Variants in KLHL3 observed in about 807,000 individuals in gnomAD.
KLHL3 encodes kelch-like protein 3.
A neutral mutation model predicts 70.5 loss-of-function variants in KLHL3; 19 were observed. The ratio of observed to expected loss-of-function variants is 0.27; its 90% CI spans 0.19 to 0.40. The LOEUF (loss-of-function observed/expected upper bound fraction) is 0.40. Ranked by LOEUF, KLHL3 falls within the 10% of genes least tolerant of loss-of-function variation. KLHL3 has a pLI of 1.00. For synonymous variants in KLHL3, 258 were observed against 290.3 expected (o/e 0.89, Z 1.13); for missense variants, 512 against 771.1 (o/e 0.66, Z 3.98).
chr5:137,624,287 C>A (rs1750396416), intron 14 of KLHL3, among the ~76,000 whole-genome samples: 1 of 152,100 alleles, frequency 6.6e-6, no homozygotes, highest in Admixed American at 6.6e-5. Context: ...AGAGGGCAGA[C>A]AATGAAGAAA....
At chr5:137,622,203 A>G in intron 14 of KLHL3, 77 bp from the exon 15 acceptor site, 1 of 1,508,300 alleles carries the variant, frequency 6.6e-7, no homozygotes, top group African/African-American at 1.4e-5. Context: ...TCATGAATCC[A>G]AGATATCCTG....
Position 137,698,373 on chromosome 5 carries a change from T to G in KLHL3, c.277A>C (p.Ile93Leu). ...AGCGTCTGCCCATCCACGTCCTTGA[T>G]TTCTATCTTTTTGGCTTTACTCTCA... Reference protein sequence around the residue: ...MSESKAKKIEIKDVDGQTLSK... With the variant: ...MSESKAKKIELKDVDGQTLSK... Residue 93 changes from isoleucine (I) to leucine (L), a missense_variant, in exon 4 of 15, where the codon ATC (isoleucine) becomes CTC (leucine). By Grantham distance (5) the Ile-to-Leu change is conservative. Coordinates refer to ENST00000309755, the MANE Select transcript of KLHL3 (RefSeq NM_017415.3). 3.7e-6 allele frequency: 6 copies of G among 1,614,202 alleles called. No individual in the cohort carries two copies. The highest frequency in any genetic ancestry group is 4.2e-6 in the Non-Finnish European group (5 of 1,180,032).
In KLHL3 at chr5:137,673,054, A is replaced by AGTGTTC. The variant is rs1282336819; in HGVS notation, c.636+4490_636+4491insGAACAC. ...GAGAATGACTCTACGGTCTAAGAAG[A>AGTGTTC]ATGTGTGTTCAGTGTTCCACGCTAA... On this transcript the variant is annotated intron_variant, in intron 6 of 14. Transcript: ENST00000309755. The AGTGTTC allele has an allele frequency of 4.6e-5, 7 of 152,200 alleles. No individual in the cohort carries two copies. In the East Asian group the frequency reaches 1.3e-3, roughly 29 times the overall value. 9.4% of individuals were successfully genotyped at this position (152,200 alleles called of 1,614,324 possible).
chr5:137,679,457 T>C (rs1023463546), intron 5 of KLHL3, among the ~76,000 whole-genome samples: 5 of 152,192 alleles, frequency 3.3e-5, no homozygotes, highest in African/African-American at 7.2e-5. Context: ...ACATGTATCG[T>C]TGGCTGACCA....
intron 5 of KLHL3, among the ~76,000 whole-genome samples, chr5:137,688,631 C>T (rs1210646787): frequency 6.6e-6 from 1 of 152,168 alleles, no homozygotes. Context: ...CCAAACTGGG[C>T]CTAGAAGCTG....
chr5:137,697,547 C>A (rs911394043), intron 4 of KLHL3, among the ~76,000 whole-genome samples: 2 of 152,268 alleles, frequency 1.3e-5, no homozygotes, highest in East Asian at 1.9e-4. Flanking sequence ...AGTCCCCAAA[C>A]AATGAGGTTC....
chr5:137,700,078 G>GTTCTCTCTTCTC (rs1305813612), intron 3 of KLHL3, among the ~76,000 whole-genome samples: 5 of 152,228 alleles, frequency 3.3e-5, no homozygotes, highest in Non-Finnish European at 7.3e-5. Flanking sequence ...CTGACTGCCA[G>GTTCTCTCTTCTC]TGAAAGCCTG....
chr5:137,659,203 G>T (rs1450883191), intron 7 of KLHL3, among the ~76,000 whole-genome samples: 3 of 152,184 alleles, frequency 2.0e-5, no homozygotes, highest in African/African-American at 7.2e-5. Context: ...GCCCTGTGCT[G>T]GTCCCCAGGA....
At position 137,639,801 on chromosome 5, in the gene KLHL3, T is replaced by A; in HGVS notation, c.1021+59A>T. 7.7e-7 allele frequency: 1 copy of A among 1,295,656 alleles called. No individual in the cohort carries two copies. Among genetic ancestry groups the A allele is most frequent in the African/African-American group, 1.5e-5 (1 of 68,642 alleles). The allele number at this position is 1,295,656 out of a possible 1,614,324, so 80.3% of individuals were successfully genotyped here. On this transcript the variant is annotated intron_variant, in intron 9 of 14. Transcript: ENST00000309755. This position sits in a 1 kb window ranked among gnomAD's most constrained non-coding sequence, Gnocchi z 5.0. ...GAAACAAGGAGTAGCTCACGACTTC[T>A]GGCACGGAGTGGGGACCAGCAGGGG...
chr5:137,621,896 C>T lies in KLHL3; in HGVS notation c.*202G>A. On this transcript the variant is annotated 3_prime_UTR_variant, in exon 15 of 15. Coordinates refer to ENST00000309755, the MANE Select transcript of KLHL3 (RefSeq NM_017415.3). ...AGACCCCCCTTGCTCAGGGCATAGG[C>T]CAGAGCACCTCAGGGGAACGGGGGT... The T allele has an allele frequency of 1.6e-6, 1 of 628,642 alleles. No homozygotes were observed. The highest frequency in any genetic ancestry group is 1.9e-5 in the South Asian group (1 of 52,384). 38.9% of individuals were successfully genotyped at this position (628,642 alleles called of 1,614,324 possible).
At chr5:137,734,140 A>G (rs1753224213) in intron 1 of KLHL3, among the ~76,000 whole-genome samples, 1 of 152,094 alleles carries the variant, frequency 6.6e-6, no homozygotes, top group South Asian at 2.1e-4. Flanking sequence ...TCTCACACTG[A>G]CCTCTCAACC....
At chr5:137,657,451 G>C (rs1369790998) in intron 8 of KLHL3, among the ~76,000 whole-genome samples, 1 of 152,062 alleles carries the variant, frequency 6.6e-6, no homozygotes. Context: ...CTATAGATAA[G>C]GAGCCTGAGG....
chr5:137,625,653 A>G, intron 14 of KLHL3, 100 bp downstream of exon 14: 1 of 1,414,426 alleles, frequency 7.1e-7, no homozygotes, highest in Non-Finnish European at 9.8e-7. Context: ...GGCCCAAGTT[A>G]AGCAAGCTCA....
In KLHL3 at chr5:137,649,367, C is replaced by T. The variant is rs183392941; in HGVS notation, c.903+8764G>A. 2.6e-5 allele frequency among the ~76,000 whole-genome samples: 4 copies of T among 152,360 alleles called. No individual in the cohort carries two copies. In the East Asian group the frequency reaches 7.7e-4, roughly 29 times the overall value. On this transcript the variant is annotated intron_variant, in intron 8 of 14. Coordinates refer to ENST00000309755, the MANE Select transcript of KLHL3 (RefSeq NM_017415.3). ...CATTTTCTTGCTCTAGAATCACCCTCTCTGGAAGAAAGCCAGCATGTCATG... is the reference window on the plus strand; with the variant it reads ...CATTTTCTTGCTCTAGAATCACCCTTTCTGGAAGAAAGCCAGCATGTCATG...
At chr5:137,696,895 C>T (rs1200960456) in intron 4 of KLHL3, among the ~76,000 whole-genome samples, 3 of 152,138 alleles carry the variant, frequency 2.0e-5, no homozygotes. Flanking sequence ...CACCACGGAA[C>T]AGGAACTCAG....
At chr5:137,693,164 C>T (rs1233415150) in intron 4 of KLHL3, among the ~76,000 whole-genome samples, 1 of 152,184 alleles carries the variant, frequency 6.6e-6, no homozygotes, top group Non-Finnish European at 1.5e-5. Flanking sequence ...AGATCCTGTT[C>T]TCCTGGAGCT....
intron 1 of KLHL3, among the ~76,000 whole-genome samples, chr5:137,721,690 C>T (rs1462306040): frequency 6.6e-6 from 1 of 152,206 alleles, no homozygotes; most frequent in African/African-American, 2.4e-5. Flanking sequence ...CCTGTAGTCC[C>T]AGCTACTCAG....
chr5:137,675,429 T>G (rs1448278954), intron 6 of KLHL3, among the ~76,000 whole-genome samples: 1 of 152,210 alleles, frequency 6.6e-6, no homozygotes, highest in Admixed American at 6.5e-5. Flanking sequence ...ACAATTACAA[T>G]GACAACTGCC....
intron 8 of KLHL3, among the ~76,000 whole-genome samples, chr5:137,651,278 A>G (rs1751193997): frequency 6.6e-6 from 1 of 152,222 alleles, no homozygotes; most frequent in Admixed American, 6.5e-5. Flanking sequence ...GAGAGCCCTA[A>G]ATGCCTGCCT....
Sources: gnomAD v4.1 joint callset for allele counts (sites outside exome capture counted in the v4.1 genomes callset) on GRCh38, gnomAD v4.1.1 for gene constraint, Gnocchi (gnomAD v3.1) non-coding constraint, MANE v1.5 for transcripts, NCBI Gene and HGNC (gene_info 2026-07-23, HGNC 2026-07-21) for gene names.